C5orf58: variants seen among roughly 807,000 people sequenced by gnomAD.
C5orf58 encodes the protein putative uncharacterized protein C5orf58.
C5orf58 carries 2 observed loss-of-function variants against 2.9 expected under a neutral mutation model. The observed-to-expected ratio is 0.69, with a 90% confidence interval of 0.28 to 2.18. C5orf58 has a LOEUF of 2.18. Among genes scored for constraint, C5orf58 ranks in the 30% most tolerant of loss-of-function variants. C5orf58 has a pLI of 0.13. For synonymous variants in C5orf58, 37 were observed against 33.4 expected, an observed-to-expected ratio of 1.11 and a Z score of -0.37; for missense variants, 96 against 91.7, an observed-to-expected ratio of 1.05 and a Z score of -0.19.
intron 3 of C5orf58, among the ~76,000 whole-genome samples, chr5:170,235,283 A>G (rs905343488): frequency 6.6e-6 from 1 of 152,172 alleles, no homozygotes; most frequent in East Asian, 1.9e-4. Context: ...CATCCCTGAC[A>G]TTAATAAGCT....
At chr5:170,246,931 C>T (rs1761312359), downstream of C5orf58, 1 of 152,218 alleles carries the variant, frequency 6.6e-6, no homozygotes, top group Admixed American at 6.5e-5. Flanking sequence ...TGGAACAGAA[C>T]ATCTTAATCC....
chr5:170,248,881 C>G (rs537112993), downstream of C5orf58: 2 of 1,562,256 alleles, frequency 1.3e-6, no homozygotes, highest in Admixed American at 3.5e-5. Flanking sequence ...ACTTCACTTT[C>G]AGTTTTTTTA....
chr5:170,247,029 A>G (rs1052569806), downstream of C5orf58: 1 of 152,230 alleles, frequency 6.6e-6, no homozygotes, highest in African/African-American at 2.4e-5. Context: ...TTTGAAATCT[A>G]TCAGGTCCTT....
At chr5:170,244,860 G>C (rs1386411951) in intron 3 of C5orf58, among the ~76,000 whole-genome samples, 2 of 150,386 alleles carry the variant, frequency 1.3e-5, no homozygotes, top group African/African-American at 4.9e-5. Context: ...GGCGCTCTGC[G>C]TTTTAGAGTT....
At chr5:170,238,538 A>G (rs552708830) in intron 3 of C5orf58, among the ~76,000 whole-genome samples, 30 of 152,354 alleles carry the variant, frequency 2.0e-4, no homozygotes, top group Non-Finnish European at 3.2e-4. Flanking sequence ...AGGGCAATTC[A>G]TTAAAGAAAT....
chr5:170,246,463 C>G (rs1331772983), downstream of C5orf58: 3 of 167,274 alleles, frequency 1.8e-5, no homozygotes, highest in East Asian at 4.9e-4. Context: ...CCAGCTGAAG[C>G]ATTTATTGAG....
At chr5:170,247,871 G>A (rs1761334632), downstream of C5orf58, 1 of 152,328 alleles carries the variant, frequency 6.6e-6, no homozygotes, top group African/African-American at 2.4e-5. Context: ...AGGTTGGTGG[G>A]GGGCTGTGAT....
chr5:170,235,415 T>C (rs557407975), intron 3 of C5orf58, among the ~76,000 whole-genome samples: 82 of 152,166 alleles, frequency 5.4e-4, no homozygotes, highest in Non-Finnish European at 1.1e-3. Flanking sequence ...GCCCCTAAGG[T>C]CCATTCCAAA....
downstream of C5orf58, among the ~76,000 whole-genome samples, chr5:170,250,426 A>G (rs1487688667): frequency 2.0e-5 from 3 of 152,248 alleles, no homozygotes; most frequent in Non-Finnish European, 2.9e-5. Flanking sequence ...GAGGTGAATA[A>G]TAGTGGGAAC....
chr5:170,250,461 AT>A (rs565558369), downstream of C5orf58, among the ~76,000 whole-genome samples: 14 of 152,324 alleles, frequency 9.2e-5, no homozygotes, highest in South Asian at 1.2e-3. Context: ...ATCTAAATAG[AT>A]TTTTTTAAGT....
chr5:170,248,641 G>T, downstream of C5orf58: 1 of 1,601,334 alleles, frequency 6.2e-7, no homozygotes, highest in Non-Finnish European at 8.5e-7. Flanking sequence ...AAGGCTGATT[G>T]ATCTCGTGTT....
chr5:170,252,461 T>A, downstream of C5orf58: 1 of 1,589,096 alleles, frequency 6.3e-7, no homozygotes, highest in South Asian at 1.1e-5. Flanking sequence ...GAGCAGCTTC[T>A]GCCTCTGGTC....
downstream of C5orf58, chr5:170,248,676 C>G: frequency 6.3e-7 from 1 of 1,580,574 alleles, no homozygotes; most frequent in Non-Finnish European, 8.6e-7. Context: ...GAGGACGGTT[C>G]ATTTGCTCGG....
chr5:170,251,680 C>T, exon 3 of C5orf58: 1 of 455,928 alleles, frequency 2.2e-6, no homozygotes, highest in Non-Finnish European at 4.4e-6. Flanking sequence ...CTCTGCTAAA[C>T]AAACATACTT....
chr5:170,238,494 A>C (rs1054551176), intron 3 of C5orf58, among the ~76,000 whole-genome samples: 1 of 152,176 alleles, frequency 6.6e-6, no homozygotes, highest in African/African-American at 2.4e-5. Flanking sequence ...AACAAATAAG[A>C]GTGTTAGAAA....
At chr5:170,240,854 C>T (rs1327963734) in intron 3 of C5orf58, among the ~76,000 whole-genome samples, 1 of 151,896 alleles carries the variant, frequency 6.6e-6, no homozygotes, top group Admixed American at 6.6e-5. Context: ...CTTGCCCATG[C>T]CTATGTCCTG....
At chr5:170,236,593 A>G (rs1043357256) in intron 3 of C5orf58, among the ~76,000 whole-genome samples, 2 of 152,202 alleles carry the variant, frequency 1.3e-5, no homozygotes, top group African/African-American at 4.8e-5. Flanking sequence ...AGAATGGACT[A>G]TATGACCTGC....
In C5orf58 at chr5:170,246,172, T is replaced by G. The variant is rs1712835856; in HGVS notation, c.*59T>G. ...TGAACTAACAAATATTTGGGAGAGT[T>G]GAGTTTACTAATTTGTATATATATA... On this transcript the variant is annotated 3_prime_UTR_variant, in exon 4 of 4. Transcript: ENST00000593851. 17 of 1,383,100 alleles carry G rather than the reference T, an allele frequency of 1.2e-5. No homozygotes were observed. The South Asian group carries it at 2.2e-4, about 18-fold the overall frequency. 85.7% of individuals were successfully genotyped at this position (1,383,100 alleles called of 1,614,324 possible).
rs754160687 is a variant in C5orf58, at chr5:170,235,032, A to G, written c.56A>G (p.Asn19Ser). The G allele has an allele frequency of 1.9e-5, 29 of 1,540,036 alleles. No homozygotes were observed. The highest frequency in any genetic ancestry group is 2.5e-5 in the Non-Finnish European group (28 of 1,122,886). The stretch of plus-strand genomic sequence containing the variant: ...CTAAATGTGGACAAAGTAATTAAAA[A>G]TATTAACACAATTTCTTCGGAGTTG... The part of the protein sequence containing the change: ...HKLNVDKVIK[N>S]INTISSELKK... The change falls in exon 3 of 4, where the codon AAT (asparagine) becomes AGT (serine). Residue 19 changes from asparagine (N) to serine (S), a missense_variant. Transcript: ENST00000593851.
Sources: allele counts gnomAD v4.1 joint callset (sites outside exome capture counted in the v4.1 genomes callset), GRCh38; gene constraint gnomAD v4.1.1; transcripts MANE v1.5; gene names NCBI Gene and HGNC (gene_info 2026-07-23, HGNC 2026-07-21).